The following UBXN8 variants were observed in gnomAD, a reference collection of about 807,000 sequenced individuals.
UBXN8 encodes UBX domain protein 8.
Under a neutral mutation model 32.1 loss-of-function variants are expected in UBXN8, and 27 were observed. The observed-to-expected ratio is 0.84, with a 90% CI of 0.62 to 1.16. The LOEUF (loss-of-function observed/expected upper bound fraction) is 1.16, where lower values mean the gene tolerates loss of function less well. Among genes scored for constraint, UBXN8 ranks in the 50% most tolerant of loss-of-function variants. UBXN8 has a pLI of 0.00. For synonymous variants in UBXN8, 109 were observed against 111.8 expected, an observed-to-expected ratio of 0.98 and a Z score of 0.16; for missense variants, 306 against 311.4, an observed-to-expected ratio of 0.98 and a Z score of 0.13.
Position 30,760,444 on chromosome 8 carries a change from T to TATATATATA in UBXN8, c.529-444_529-443insATATATATA, listed in dbSNP as rs60534482. Among the ~76,000 whole-genome samples the TATATATATA allele has an allele frequency of 8.8e-3, 587 of 66,892 alleles. 1 individual carries two copies. Among genetic ancestry groups the TATATATATA allele is most frequent in the African/African-American group, 0.013 (203 of 15,974 alleles). 43.9% of individuals were successfully genotyped at this position (66,892 alleles called of 152,430 possible). A position where few individuals can be genotyped will look rare whatever the true frequency, so the allele number is the denominator to read the frequency against. On this transcript the variant is annotated intron_variant, in intron 5 of 7. Coordinates refer to ENST00000265616, the MANE Select transcript of UBXN8 (RefSeq NM_005671.4). ...TCATATATATATATATATATATATA[T>TATATATATA]TTTTTTTTTTTTTTAAAGTGACAGG...
intron 7 of UBXN8, among the ~76,000 whole-genome samples, chr8:30,764,834 G>A (rs1805954991): frequency 6.6e-6 from 1 of 152,092 alleles, no homozygotes; most frequent in African/African-American, 2.4e-5. Flanking sequence ...AGCGGATCAT[G>A]AGGTCAAGAG....
rs914719525 is a variant in UBXN8, at chr8:30,763,481, G to A, written c.645+134G>A. ...CAGGTATGGATAAAGGACATTTCCA[G>A]GTACTCCACGTTGCAGAAATTTGGC... On this transcript the variant is annotated intron_variant, in intron 7 of 7. Transcript: ENST00000265616. 4 of 844,960 alleles carry A rather than the reference G, an allele frequency of 4.7e-6. No individual in the cohort carries two copies. The African/African-American group carries it at 6.8e-5, about 14-fold the overall frequency. 52.3% of individuals were successfully genotyped at this position (844,960 alleles called of 1,614,324 possible).
chr8:30,766,160 G>T, intron 7 of UBXN8, 67 bp from the exon 8 acceptor site: 1 of 1,453,718 alleles, frequency 6.9e-7, no homozygotes, highest in Non-Finnish European at 9.3e-7. Flanking sequence ...AAAATGTTAT[G>T]GTGGTCTAAA....
At chr8:30,739,156 G>A (rs2128752119) in intron 1 of UBXN8, among the ~76,000 whole-genome samples, 1 of 150,816 alleles carries the variant, frequency 6.6e-6, no homozygotes, top group Middle Eastern at 3.5e-3. Context: ...TTTGGCTGTA[G>A]AAGGGTAGCA....
upstream of UBXN8, among the ~76,000 whole-genome samples, chr8:30,741,140 CT>C (rs74979310): frequency 0.24 from 35,976 of 152,040 alleles, 4,957 homozygotes; most frequent in African/African-American, 0.39. Flanking sequence ...AAAAATCGCC[CT>C]CTGTAAGGCC....
At position 30,738,824 on chromosome 8, in the gene UBXN8, C is replaced by T. The variant is rs1311368519; in HGVS notation, c.622+5516C>T. The stretch of plus-strand genomic sequence containing the variant: ...ACAAAAAATTAGCCAGGCGTGGTGG[C>T]GGGCGCCTGTAATCCCAGCTACACG... On this transcript the variant is annotated intron_variant, in intron 1 of 1. Coordinates refer to the UBXN8 transcript ENST00000522968. 4.0e-5 allele frequency among the ~76,000 whole-genome samples: 6 copies of T among 151,360 alleles called. 1 individual carries two copies. The South Asian group carries it at 8.5e-4, about 22-fold the overall frequency.
intron 6 of UBXN8, 71 bp from the exon 7 acceptor site, chr8:30,763,202 C>A: frequency 3.4e-6 from 5 of 1,463,844 alleles, no homozygotes; most frequent in Non-Finnish European, 4.8e-6. Flanking sequence ...AGCTGCTTAG[C>A]TGTTTTATGG....
chr8:30,739,925 A>G (rs1210542269), upstream of UBXN8, among the ~76,000 whole-genome samples: 2 of 152,148 alleles, frequency 1.3e-5, no homozygotes, highest in African/African-American at 2.4e-5. Context: ...GTTTTGAGAC[A>G]TGGTCTCTCT....
chr8:30,739,301 T>C (rs1398231076), upstream of UBXN8, among the ~76,000 whole-genome samples: 1 of 150,926 alleles, frequency 6.6e-6, no homozygotes, highest in Non-Finnish European at 1.5e-5. Context: ...TCCCAGCACT[T>C]TGGGAGGCCG....
intron 1 of UBXN8, among the ~76,000 whole-genome samples, chr8:30,746,680 G>A (rs1805369866): frequency 7.2e-6 from 1 of 138,584 alleles, no homozygotes. Context: ...GCACCACCAT[G>A]CCCGACTAAT....
At chr8:30,731,747 C>T (rs150712296), upstream of UBXN8, among the ~76,000 whole-genome samples, 14,192 of 152,156 alleles carry the variant, frequency 0.093, 835 homozygotes, top group South Asian at 0.14. Context: ...GGGGCCCAGC[C>T]GGTTAGGCAA....
intron 4 of UBXN8, among the ~76,000 whole-genome samples, 172 bp downstream of exon 4, chr8:30,754,959 T>G (rs1287854652): frequency 6.6e-6 from 1 of 150,658 alleles, no homozygotes; most frequent in Non-Finnish European, 1.5e-5. Flanking sequence ...GTTGGTCGTT[T>G]TTTTTTTTTT....
Position 30,760,949 on chromosome 8 carries a change from C to T in UBXN8, c.570+20C>T, listed in dbSNP as rs370044466. On this transcript the variant is annotated intron_variant, in intron 6 of 7. Coordinates refer to ENST00000265616, the MANE Select transcript of UBXN8 (RefSeq NM_005671.4). ...GAAGAAGTAAGTCTATTTTTCTCTT[C>T]GAAAATTAAACTTATTTTCTATTTT... 2.8e-5 allele frequency: 42 copies of T among 1,478,336 alleles called. No homozygotes were observed. Among genetic ancestry groups the T allele is most frequent in the Admixed American group, 1.5e-4 (6 of 39,980 alleles). 91.6% of individuals were successfully genotyped at this position (1,478,336 alleles called of 1,614,324 possible).
intron 1 of UBXN8, among the ~76,000 whole-genome samples, chr8:30,748,166 C>G (rs1230516906): frequency 1.3e-5 from 2 of 150,606 alleles, no homozygotes; most frequent in East Asian, 1.9e-4. Flanking sequence ...CACTCTGTCA[C>G]CCAGGCTGGA....
chr8:30,748,047 T>C (rs565884093), intron 1 of UBXN8, among the ~76,000 whole-genome samples: 1 of 147,818 alleles, frequency 6.8e-6, no homozygotes, highest in Non-Finnish European at 1.5e-5. Context: ...CAGACATATA[T>C]TGAAAAACTA....
chr8:30,753,228 A>C, intron 3 of UBXN8, 123 bp downstream of exon 3: 3 of 1,268,930 alleles, frequency 2.4e-6, no homozygotes, highest in Non-Finnish European at 2.0e-6. Flanking sequence ...AATGAGGTCA[A>C]ATTCACGTGA....
At chr8:30,763,400 G>C (rs372887982) in intron 7 of UBXN8, 53 bp downstream of exon 7, 20 of 1,535,150 alleles carry the variant, frequency 1.3e-5, no homozygotes, top group Admixed American at 1.2e-4. Context: ...TATGGCAGTA[G>C]TTTATTCACA....
intron 5 of UBXN8, 62 bp from the exon 6 acceptor site, chr8:30,760,824 CTT>C (rs1035569374): frequency 8.6e-5 from 91 of 1,059,060 alleles, no homozygotes; most frequent in Non-Finnish European, 1.1e-4. Context: ...GAGAGGAACT[CTT>C]CTCATTGACA....
At chr8:30,755,118 G>A (rs1404443125) in intron 4 of UBXN8, among the ~76,000 whole-genome samples, 3 of 151,902 alleles carry the variant, frequency 2.0e-5, no homozygotes, top group African/African-American at 7.3e-5. Context: ...ACCATGCCCA[G>A]CTAATTTTTT....
Sources: allele counts gnomAD v4.1 joint callset (sites outside exome capture counted in the v4.1 genomes callset), GRCh38; gene constraint gnomAD v4.1.1; transcripts MANE v1.5; gene names NCBI Gene and HGNC (gene_info 2026-07-23, HGNC 2026-07-21).